The following ZNF257 variants were observed in gnomAD, a reference collection of about 807,000 sequenced individuals.
ZNF257 encodes zinc finger protein 257.
ZNF257 carries 12 observed loss-of-function variants against 11.9 expected under a neutral mutation model. The observed-to-expected ratio is 1.01, with a 90% CI of 0.65 to 1.63. The LOEUF (loss-of-function observed/expected upper bound fraction) is 1.63. Ranked by LOEUF, ZNF257 falls within the 40% of genes most tolerant of loss-of-function variation. The pLI, the probability that ZNF257 is intolerant of heterozygous loss-of-function variation, is 0.00. For synonymous variants in ZNF257, 183 were observed against 222.7 expected (o/e 0.82, Z 1.59); for missense variants, 580 against 665.5 (o/e 0.87, Z 1.41).
At chr19:22,075,523 C>T (rs2022206004) in intron 3 of ZNF257, 1 of 152,220 alleles carries the variant, frequency 6.6e-6, no homozygotes, top group Non-Finnish European at 1.5e-5. Flanking sequence ...CAGAACCTCT[C>T]CCAGACTGCG....
chr19:22,080,598 A>T (rs921366943), intron 3 of ZNF257, among the ~76,000 whole-genome samples: 7 of 146,978 alleles, frequency 4.8e-5, no homozygotes, highest in African/African-American at 1.2e-4. Flanking sequence ...TTTTTTTTTT[A>T]AATAAATTAT....
chr19:22,066,647 C>G (rs1486171479), intron 1 of ZNF257, among the ~76,000 whole-genome samples: 6 of 152,142 alleles, frequency 3.9e-5, no homozygotes, highest in Non-Finnish European at 5.9e-5. Flanking sequence ...GAGTGAGAGC[C>G]TACCTTCAGC....
chr19:22,082,296 T>C (rs1434276510), intron 3 of ZNF257, among the ~76,000 whole-genome samples: 1 of 152,170 alleles, frequency 6.6e-6, no homozygotes, highest in Non-Finnish European at 1.5e-5. Context: ...ATTTACATAG[T>C]CATATGATGC....
intron 3 of ZNF257, among the ~76,000 whole-genome samples, chr19:22,079,533 G>T (rs561363668): frequency 6.6e-6 from 1 of 152,218 alleles, no homozygotes; most frequent in African/African-American, 2.4e-5. Context: ...TGTCTTACAT[G>T]GTGGAAGACA....
At position 22,089,715 on chromosome 19, in the gene ZNF257, A is replaced by T; in HGVS notation, c.*273A>T. ...TGGAAGATAAAGCCTACAAATATGAAGAATGTGACAAGGCCTTTAAAAGTT... is the reference window on the plus strand; with the variant it reads ...TGGAAGATAAAGCCTACAAATATGATGAATGTGACAAGGCCTTTAAAAGTT... On this transcript the variant is annotated 3_prime_UTR_variant, in exon 4 of 4. Transcript: ENST00000594947. The T allele has an allele frequency of 1.4e-6, 1 of 692,542 alleles. No individual in the cohort carries two copies. The highest frequency in any genetic ancestry group is 2.1e-6 in the Non-Finnish European group (1 of 466,242). The allele number at this position is 692,542 out of a possible 1,614,324, so 42.9% of individuals were successfully genotyped here.
At chr19:22,067,320 G>T (rs762061344) in intron 1 of ZNF257, among the ~76,000 whole-genome samples, 2 of 152,032 alleles carry the variant, frequency 1.3e-5, no homozygotes, top group African/African-American at 2.4e-5. Flanking sequence ...TAATATGTGC[G>T]CACTGAATAG....
chr19:22,073,428 G>A, intron 2 of ZNF257, 41 bp from the exon 3 acceptor site: 2 of 1,573,188 alleles, frequency 1.3e-6, no homozygotes, highest in East Asian at 2.3e-5. Context: ...GGTAATTGGA[G>A]AATATGAGCA....
At chr19:22,072,721 C>T (rs1568484931) in intron 1 of ZNF257, 88 bp from the exon 2 acceptor site, 1 of 1,477,348 alleles carries the variant, frequency 6.8e-7, no homozygotes, top group Admixed American at 2.1e-5. Flanking sequence ...GTTCTCTCTG[C>T]TCTTTAATTA....
At chr19:22,083,101 A>C (rs1297141431) in intron 3 of ZNF257, among the ~76,000 whole-genome samples, 1 of 152,142 alleles carries the variant, frequency 6.6e-6, no homozygotes, top group Non-Finnish European at 1.5e-5. Context: ...TTATTTGTGA[A>C]TCTTCCATAT....
rs1052327474 is a variant in ZNF257 at position 22,054,208 on chromosome 19, G to C, written c.3+1573G>C. 1.7e-4 allele frequency among the ~76,000 whole-genome samples: 26 copies of C among 151,990 alleles called. 2 individuals are homozygous for C. The highest frequency in any genetic ancestry group is 1.4e-3 in the Admixed American group (22 of 15,258). On this transcript the variant is annotated intron_variant, in intron 1 of 3. Transcript: ENST00000594947. ...CTGTCTCATCCTCCGGAGTAGCTGG[G>C]ATTACAGGCACCCACCACCACACCT...
intron 1 of ZNF257, among the ~76,000 whole-genome samples, chr19:22,061,246 T>C (rs950747163): frequency 6.6e-6 from 1 of 152,256 alleles, no homozygotes; most frequent in African/African-American, 2.4e-5. Context: ...TGATCTTTTC[T>C]ATCCATGAGC....
chr19:22,063,964 C>T (rs1258898621), intron 1 of ZNF257: 1 of 151,948 alleles, frequency 6.6e-6, no homozygotes, highest in Non-Finnish European at 1.5e-5. Context: ...TTGTAGTCTC[C>T]TACTGTTGTG....
intron 1 of ZNF257, among the ~76,000 whole-genome samples, chr19:22,054,002 C>G (rs773851084): frequency 6.6e-6 from 1 of 151,926 alleles, no homozygotes; most frequent in South Asian, 2.1e-4. Context: ...ACTAGAGCCA[C>G]CTCAGTCTAG....
At chr19:22,064,357 T>A (rs1053120144) in intron 1 of ZNF257, 1 of 152,234 alleles carries the variant, frequency 6.6e-6, no homozygotes, top group Non-Finnish European at 1.5e-5. Flanking sequence ...TCATTATTTT[T>A]TACTCAAGGT....
At chr19:22,078,169 T>G (rs2022274306) in intron 3 of ZNF257, among the ~76,000 whole-genome samples, 1 of 142,070 alleles carries the variant, frequency 7.0e-6, no homozygotes, top group African/African-American at 2.6e-5. Flanking sequence ...ACCCGGGAAA[T>G]GAAGGTTGCA....
chr19:22,078,937 C>T (rs539504969), intron 3 of ZNF257, among the ~76,000 whole-genome samples: 2 of 152,040 alleles, frequency 1.3e-5, no homozygotes, highest in East Asian at 1.9e-4. Flanking sequence ...GGATTACAGG[C>T]ATGTGCCACC....
intron 1 of ZNF257, among the ~76,000 whole-genome samples, chr19:22,056,435 C>G (rs1024187188): frequency 6.6e-6 from 1 of 151,924 alleles, no homozygotes; most frequent in African/African-American, 2.4e-5. Flanking sequence ...GCCACCATAC[C>G]TAGCCCTCAT....
At chr19:22,073,058 AT>A in intron 2 of ZNF257, 123 bp downstream of exon 2, 1 of 1,161,084 alleles carries the variant, frequency 8.6e-7, no homozygotes, top group South Asian at 1.8e-5. Flanking sequence ...TTTTGCATAA[AT>A]GAGTTTCATA....
intron 1 of ZNF257, among the ~76,000 whole-genome samples, chr19:22,058,415 T>G (rs1053196915): frequency 4.6e-5 from 7 of 152,148 alleles, no homozygotes; most frequent in Non-Finnish European, 8.8e-5. Context: ...ATGGGAGTCC[T>G]TGATTTTTAA....
Sources: allele counts gnomAD v4.1 joint callset (sites outside exome capture counted in the v4.1 genomes callset), GRCh38; gene constraint gnomAD v4.1.1; transcripts MANE v1.5; gene names NCBI Gene and HGNC (gene_info 2026-07-23, HGNC 2026-07-21).